PIAS2: variants seen among roughly 807,000 people sequenced by gnomAD.
PIAS2 encodes the protein E3 SUMO-protein ligase PIAS2.
A neutral mutation model predicts 69.7 loss-of-function variants in PIAS2; 19 were observed. That is an observed-to-expected ratio of 0.27 (90% CI 0.19 to 0.40). The LOEUF (loss-of-function observed/expected upper bound fraction) is 0.40. Among genes scored for constraint, PIAS2 ranks in the 10% least tolerant of loss-of-function variants. The pLI, the probability that PIAS2 is intolerant of heterozygous loss-of-function variation, is 1.00. For missense variants in PIAS2, 624 were observed against 757.0 expected, an observed-to-expected ratio of 0.82 and a Z score of 2.06; for synonymous variants, 261 against 263.2, an observed-to-expected ratio of 0.99 and a Z score of 0.08.
intron 1 of PIAS2, among the ~76,000 whole-genome samples, chr18:46,916,301 TCTTC>T (rs778198061): frequency 4.2e-4 from 64 of 152,090 alleles, no homozygotes; most frequent in Admixed American, 7.2e-4. Context: ...ACCGGATTCC[TCTTC>T]CTTATTTGAA....
intron 12 of PIAS2, chr18:46,817,276 T>C (rs960811059): frequency 1.0e-6 from 1 of 984,846 alleles, no homozygotes; most frequent in African/African-American, 1.7e-5. Context: ...TGGAATATTG[T>C]GTACTGAAGC....
At chr18:46,897,204 G>A (rs537656101) in intron 1 of PIAS2, among the ~76,000 whole-genome samples, 26 of 152,176 alleles carry the variant, frequency 1.7e-4, no homozygotes, top group Admixed American at 3.9e-4. Context: ...TAGTCTGTTT[G>A]AAGGTGAGGT....
intron 3 of PIAS2, among the ~76,000 whole-genome samples, chr18:46,860,717 C>A (rs1411394814): frequency 6.6e-6 from 1 of 152,178 alleles, no homozygotes; most frequent in East Asian, 1.9e-4. Flanking sequence ...AAAGCCATAC[C>A]TGTAAACCCA....
intron 12 of PIAS2, chr18:46,818,478 G>A: frequency 6.5e-7 from 1 of 1,531,530 alleles, no homozygotes; most frequent in African/African-American, 1.4e-5. Context: ...TGTTTATGAT[G>A]TTTAAAAGGA....
chr18:46,825,300 G>A (rs1272847599), intron 11 of PIAS2, among the ~76,000 whole-genome samples: 8 of 152,112 alleles, frequency 5.3e-5, no homozygotes, highest in Admixed American at 5.2e-4. Context: ...GTGACAGGTG[G>A]CAGCCACTCT....
intron 2 of PIAS2, among the ~76,000 whole-genome samples, chr18:46,880,723 T>A (rs1388978180): frequency 2.6e-5 from 4 of 152,194 alleles, no homozygotes; most frequent in Non-Finnish European, 4.4e-5. Flanking sequence ...CTCATACAGT[T>A]GTAACAGAAG....
chr18:46,894,117 C>A (rs2054489213), intron 1 of PIAS2, among the ~76,000 whole-genome samples: 1 of 152,074 alleles, frequency 6.6e-6, no homozygotes, highest in Admixed American at 6.5e-5. Flanking sequence ...CAGAGTGAGA[C>A]CCCATCTCAA....
At chr18:46,830,393 A>C (rs1193263850) in intron 9 of PIAS2, among the ~76,000 whole-genome samples, 2 of 152,098 alleles carry the variant, frequency 1.3e-5, no homozygotes, top group Non-Finnish European at 2.9e-5. Context: ...AACTAAACAA[A>C]AGAAACATGA....
chr18:46,869,287 GC>G (rs2049967928), intron 2 of PIAS2, among the ~76,000 whole-genome samples: 1 of 152,162 alleles, frequency 6.6e-6, no homozygotes, highest in African/African-American at 2.4e-5. Flanking sequence ...AGAAGGGAAG[GC>G]AAGAAATATC....
At chr18:46,918,828 G>A (rs998622046), upstream of PIAS2, among the ~76,000 whole-genome samples, 20 of 152,010 alleles carry the variant, frequency 1.3e-4, no homozygotes, top group African/African-American at 4.6e-4. Flanking sequence ...TTCACTTTAA[G>A]TGTCACTTCC....
chr18:46,898,001 A>G (rs1383587974), intron 1 of PIAS2, among the ~76,000 whole-genome samples: 4 of 149,920 alleles, frequency 2.7e-5, no homozygotes, highest in Admixed American at 2.7e-4. Flanking sequence ...CCTCCAGAGT[A>G]GCTGGGAGGC....
Position 46,805,447 on chromosome 18 carries a change from T to C in PIAS2, c.*6986A>G, listed in dbSNP as rs1030708240. The C allele has an allele frequency of 2.6e-5, 4 of 152,212 alleles. No individual in the cohort carries two copies. The highest frequency in any genetic ancestry group is 9.7e-5 in the African/African-American group (4 of 41,436). 9.4% of individuals were successfully genotyped at this position (152,212 alleles called of 1,614,324 possible). On this transcript the variant is annotated 3_prime_UTR_variant, in exon 14 of 14. Transcript: ENST00000585916. ...GCTTCCAGCAAATCAAAGGGAATGA[T>C]CAGGCAGTTATAAGACTAGAGGTAG...
intron 1 of PIAS2, among the ~76,000 whole-genome samples, chr18:46,902,811 A>T (rs2056084492): frequency 1.3e-5 from 2 of 152,326 alleles, no homozygotes; most frequent in South Asian, 4.1e-4. Flanking sequence ...AATCTATCCC[A>T]TTTTACAACT....
chr18:46,882,225 T>C (rs571397111), intron 2 of PIAS2, among the ~76,000 whole-genome samples: 10 of 152,252 alleles, frequency 6.6e-5, no homozygotes, highest in African/African-American at 2.2e-4. Flanking sequence ...TTAACATTAA[T>C]GTGCATATCA....
intron 12 of PIAS2, 125 bp downstream of exon 12, chr18:46,820,808 C>G: frequency 1.3e-6 from 1 of 758,772 alleles, no homozygotes; most frequent in South Asian, 2.1e-5. Context: ...AGACCTTTAC[C>G]CGAAGCTTTC....
At chr18:46,902,402 C>CA (rs1194145914) in intron 1 of PIAS2, among the ~76,000 whole-genome samples, 2 of 151,244 alleles carry the variant, frequency 1.3e-5, no homozygotes, top group African/African-American at 2.4e-5. Context: ...ACTAAAGATG[C>CA]AAAAAAAATT....
intron 1 of PIAS2, among the ~76,000 whole-genome samples, chr18:46,902,762 G>A: frequency 6.6e-6 from 1 of 152,052 alleles, no homozygotes; most frequent in East Asian, 1.9e-4. Context: ...TAATAGAACA[G>A]CCAAAACAAT....
intron 3 of PIAS2, among the ~76,000 whole-genome samples, chr18:46,859,870 G>C (rs955090542): frequency 1.3e-5 from 2 of 152,142 alleles, no homozygotes; most frequent in African/African-American, 2.4e-5. Flanking sequence ...TCATAGAGTA[G>C]CAAGAAGAGA....
chr18:46,855,525 G>GC, intron 4 of PIAS2, 40 bp downstream of exon 4: 1 of 1,579,624 alleles, frequency 6.3e-7, no homozygotes, highest in Non-Finnish European at 8.7e-7. Context: ...CACATAGTAA[G>GC]CAAGTATAAA....
Sources: gnomAD v4.1 joint callset for allele counts (sites outside exome capture counted in the v4.1 genomes callset) on GRCh38, gnomAD v4.1.1 for gene constraint, MANE v1.5 for transcripts, NCBI Gene and HGNC (gene_info 2026-07-23, HGNC 2026-07-21) for gene names.